The following TAF4B variants were observed in gnomAD, a reference collection of about 807,000 sequenced individuals.
The protein encoded by TAF4B is transcription initiation factor TFIID subunit 4B.
In TAF4B, 38 loss-of-function variants were observed where a neutral mutation model predicts 86.4. The ratio of observed to expected loss-of-function variants is 0.44; its 90% CI spans 0.34 to 0.58. The LOEUF is 0.58. Ranked by LOEUF, TAF4B falls within the 20% of genes least tolerant of loss-of-function variation. The pLI, the probability that TAF4B is intolerant of heterozygous loss-of-function variation, is 0.02. For synonymous variants in TAF4B, 388 were observed against 391.2 expected, an observed-to-expected ratio of 0.99 and a Z score of 0.10; for missense variants, 988 against 1,027.6, an observed-to-expected ratio of 0.96 and a Z score of 0.53.
chr18:26,326,787 A>C (rs2057008387), intron 11 of TAF4B, among the ~76,000 whole-genome samples: 1 of 152,156 alleles, frequency 6.6e-6, no homozygotes. Flanking sequence ...GTTCTTTGAA[A>C]CATAACTGGT....
chr18:26,238,183 A>G (rs1421077250), intron 1 of TAF4B, among the ~76,000 whole-genome samples: 1 of 152,070 alleles, frequency 6.6e-6, no homozygotes, highest in African/African-American at 2.4e-5. Context: ...CCTTATTGAC[A>G]CATTTTCGAA....
Position 26,286,122 on chromosome 18 carries a change from G to T in TAF4B, c.1213G>T (p.Ala405Ser). The change falls in exon 7 of 15, where the codon GCA becomes TCA. Residue 405 changes from alanine to serine, a missense_variant. Physicochemically the swap from Ala to Ser is moderately conservative, Grantham distance 99. Around this residue, in one of 3 missense-constraint regions of TAF4B, gnomAD observed 747 missense variants for 737.9 expected, o/e 1.01. Coordinates refer to ENST00000269142, the MANE Select transcript of TAF4B (RefSeq NM_005640.3). ...TLNPLAGPVG[A>S]KAGVVTLHSV... is the part of the protein sequence containing the mutation. ...GAACCCACTTGCTGGTCCAGTGGGAGCAAAAGCTGGAGTTGTGACACTTCA... is the reference window on the plus strand; with the variant it reads ...GAACCCACTTGCTGGTCCAGTGGGATCAAAAGCTGGAGTTGTGACACTTCA... 1 of 1,614,238 alleles carries T rather than the reference G, an allele frequency of 6.2e-7. No homozygotes were observed. The highest frequency in any genetic ancestry group is 1.1e-5 in the South Asian group (1 of 91,090).
intron 14 of TAF4B, 33 bp from the exon 15 acceptor site, chr18:26,389,812 A>C: frequency 6.3e-7 from 1 of 1,595,458 alleles, no homozygotes; most frequent in Non-Finnish European, 8.5e-7. Context: ...AAAGATTTTT[A>C]TTTCAAATTG....
intron 1 of TAF4B, chr18:26,255,845 T>G: frequency 7.4e-7 from 1 of 1,351,720 alleles, no homozygotes; most frequent in Non-Finnish European, 1.1e-6. Context: ...TCCCACAACA[T>G]GTCTTCTGTC....
At chr18:26,367,328 G>C (rs2057378661) in intron 14 of TAF4B, among the ~76,000 whole-genome samples, 1 of 152,212 alleles carries the variant, frequency 6.6e-6, no homozygotes, top group Admixed American at 6.5e-5. Flanking sequence ...CAATGGTGTG[G>C]TGTAACTCTC....
At chr18:26,281,871 T>G (rs2056453856) in intron 5 of TAF4B, 100 bp from the exon 6 acceptor site, 1 of 780,188 alleles carries the variant, frequency 1.3e-6, no homozygotes, top group African/African-American at 1.8e-5. Flanking sequence ...ACTTTATCAT[T>G]TGTGAAAAGT....
At chr18:26,292,219 C>A in intron 7 of TAF4B, 27 bp from the exon 8 acceptor site, 1 of 1,608,140 alleles carries the variant, frequency 6.2e-7, no homozygotes, top group Non-Finnish European at 8.5e-7. Flanking sequence ...AGTTGAACAA[C>A]TATATTGATA....
chr18:26,361,457 A>G (rs1267221717), intron 14 of TAF4B, among the ~76,000 whole-genome samples: 1 of 151,506 alleles, frequency 6.6e-6, no homozygotes, highest in Non-Finnish European at 1.5e-5. Context: ...GAAATTATGG[A>G]AAAACTGGCC....
At chr18:26,281,306 T>G (rs1052467896) in intron 5 of TAF4B, among the ~76,000 whole-genome samples, 10 of 152,198 alleles carry the variant, frequency 6.6e-5, no homozygotes, top group African/African-American at 1.9e-4. Flanking sequence ...TTACCTTTCC[T>G]TGAATGCTCC....
rs138715611 is a variant in TAF4B at position 26,285,589 on chromosome 18, A to T, written c.973-293A>T. ...TTACTAATGATCTATTATAGGGTTT[A>T]GATGATTATAGAAAAGTATAATACA... is the stretch of plus-strand genomic sequence containing the variant. On this transcript the variant is annotated intron_variant, in intron 6 of 14. Transcript: ENST00000269142. 0.037 allele frequency among the ~76,000 whole-genome samples: 5,642 copies of T among 152,296 alleles called. 185 individuals carry two copies. The highest frequency in any genetic ancestry group is 0.11 in the Admixed American group (1,611 of 15,290).
At chr18:26,228,838 A>T (rs1376922147) in intron 1 of TAF4B, among the ~76,000 whole-genome samples, 6 of 152,100 alleles carry the variant, frequency 3.9e-5, no homozygotes, top group Non-Finnish European at 8.8e-5. Context: ...AGAGTGAATC[A>T]CTTACTGGAG....
chr18:26,266,612 A>C (rs1325732229), intron 2 of TAF4B, among the ~76,000 whole-genome samples: 1 of 152,096 alleles, frequency 6.6e-6, no homozygotes, highest in South Asian at 2.1e-4. Context: ...CTGTAATCCC[A>C]GCACTTTGGG....
chr18:26,234,873 G>A (rs536002980), intron 1 of TAF4B, among the ~76,000 whole-genome samples: 144 of 152,336 alleles, frequency 9.5e-4, no homozygotes, highest in African/African-American at 3.2e-3. Flanking sequence ...CCTTTGGCAC[G>A]TAGTGTGCCA....
At chr18:26,298,743 C>G (rs954767701) in intron 9 of TAF4B, among the ~76,000 whole-genome samples, 1 of 151,122 alleles carries the variant, frequency 6.6e-6, no homozygotes, top group Non-Finnish European at 1.5e-5. Flanking sequence ...AGGGATTTCA[C>G]TATGTTTCCC....
At chr18:26,363,793 G>T (rs2057349007) in intron 14 of TAF4B, among the ~76,000 whole-genome samples, 1 of 151,884 alleles carries the variant, frequency 6.6e-6, no homozygotes. Context: ...ATCTTAACAT[G>T]TTTGAGTTAA....
At chr18:26,313,832 AT>A (rs940866019) in intron 9 of TAF4B, among the ~76,000 whole-genome samples, 2 of 151,088 alleles carry the variant, frequency 1.3e-5, no homozygotes, top group South Asian at 2.1e-4. Flanking sequence ...TGCCTGGCTA[AT>A]TTTTTTTTGT....
At chr18:26,324,798 C>T (rs1374441159) in intron 11 of TAF4B, among the ~76,000 whole-genome samples, 1 of 152,138 alleles carries the variant, frequency 6.6e-6, no homozygotes, top group African/African-American at 2.4e-5. Flanking sequence ...GATTATCAGC[C>T]CTTTTAAGTC....
intron 2 of TAF4B, chr18:26,266,795 G>C (rs1054015249): frequency 2.0e-5 from 3 of 152,208 alleles, no homozygotes; most frequent in Non-Finnish European, 4.4e-5. Flanking sequence ...CCAGGAAGCG[G>C]AGCTTGCAGT....
At chr18:26,235,408 C>T (rs560709016) in intron 1 of TAF4B, among the ~76,000 whole-genome samples, 11 of 152,202 alleles carry the variant, frequency 7.2e-5, no homozygotes, top group African/African-American at 2.6e-4. Flanking sequence ...TAAGATTAGG[C>T]GTAGATATTT....
Sources: allele counts gnomAD v4.1 joint callset (sites outside exome capture counted in the v4.1 genomes callset), GRCh38; gene constraint gnomAD v4.1.1; regional missense constraint gnomAD v4.1.1; transcripts MANE v1.5; gene names NCBI Gene and HGNC (gene_info 2026-07-23, HGNC 2026-07-21).